KSR2: variants seen among roughly 807,000 people sequenced by gnomAD.
KSR2 encodes the protein kinase suppressor of ras 2.
Under a neutral mutation model 107.8 loss-of-function variants are expected in KSR2, and 25 were observed. That is an observed-to-expected ratio of 0.23 (90% CI 0.17 to 0.32). KSR2 has a LOEUF of 0.32. Ranked by LOEUF, KSR2 falls within the 10% of genes least tolerant of loss-of-function variation. The pLI, the probability that KSR2 is intolerant of heterozygous loss-of-function variation, is 1.00. For missense variants in KSR2, 887 were observed against 1,268.9 expected, an observed-to-expected ratio of 0.70 and a Z score of 4.57; for synonymous variants, 480 against 507.0, an observed-to-expected ratio of 0.95 and a Z score of 0.71.
chr12:117,550,817 A>T (rs1171963332), intron 9 of KSR2, among the ~76,000 whole-genome samples: 1 of 130,898 alleles, frequency 7.6e-6, no homozygotes, highest in Non-Finnish European at 1.6e-5. Flanking sequence ...GTCATGATGG[A>T]AGACCAGAAC....
chr12:117,947,205 A>AAAAGAAAGAAAGAAAGAAAGAAAG (rs773449400), intron 1 of KSR2, among the ~76,000 whole-genome samples: 5 of 69,242 alleles, frequency 7.2e-5, no homozygotes, highest in Non-Finnish European at 1.1e-4. Flanking sequence ...GAAAAGAAAG[A>AAAAGAAAGAAAGAAAGAAAGAAAG]AAAGAAAGAA....
intron 3 of KSR2, among the ~76,000 whole-genome samples, chr12:117,846,035 C>T (rs1477914537): frequency 6.6e-6 from 1 of 151,492 alleles, no homozygotes; most frequent in African/African-American, 2.4e-5. Context: ...CCAGCCTGCC[C>T]TTCCTAACAG....
At chr12:117,890,527 T>C (rs1237246344) in intron 1 of KSR2, among the ~76,000 whole-genome samples, 2 of 152,244 alleles carry the variant, frequency 1.3e-5, no homozygotes, top group Admixed American at 1.3e-4. Flanking sequence ...TCTTTTTAAA[T>C]AAGCTCACTA....
intron 1 of KSR2, among the ~76,000 whole-genome samples, chr12:117,952,805 G>A (rs1376340857): frequency 1.3e-5 from 2 of 151,906 alleles, no homozygotes; most frequent in Non-Finnish European, 2.9e-5. Flanking sequence ...CCAACATGGT[G>A]AAACCCCCAT....
intron 5 of KSR2, among the ~76,000 whole-genome samples, chr12:117,663,858 T>C (rs1295223701): frequency 6.6e-6 from 1 of 151,912 alleles, no homozygotes; most frequent in African/African-American, 2.4e-5. Context: ...AGCTTGCAGG[T>C]TGTTGGGGTA....
intron 1 of KSR2, among the ~76,000 whole-genome samples, chr12:117,957,909 G>C (rs1462985996): frequency 3.3e-5 from 5 of 149,764 alleles, no homozygotes; most frequent in Non-Finnish European, 7.4e-5. Flanking sequence ...TCAGCTCGCT[G>C]CAACCTGCGC....
intron 4 of KSR2, among the ~76,000 whole-genome samples, chr12:117,727,277 AG>A (rs1269480689): frequency 6.6e-6 from 1 of 151,882 alleles, no homozygotes; most frequent in Non-Finnish European, 1.5e-5. Context: ...CAGAAGGCTG[AG>A]GCGGGACGAT....
At chr12:117,922,319 T>G (rs923389239) in intron 1 of KSR2, among the ~76,000 whole-genome samples, 2 of 152,168 alleles carry the variant, frequency 1.3e-5, no homozygotes, top group African/African-American at 4.8e-5. Context: ...TGGCTCAAGA[T>G]CAGCTATCAG....
intron 10 of KSR2, among the ~76,000 whole-genome samples, 161 bp from the exon 11 acceptor site, chr12:117,531,868 T>C (rs756445453): frequency 6.6e-6 from 1 of 152,070 alleles, no homozygotes; most frequent in Non-Finnish European, 1.5e-5. Context: ...TGCAAACATG[T>C]GTAAAGAAAC....
At chr12:117,716,951 C>G (rs1400184490) in intron 4 of KSR2, among the ~76,000 whole-genome samples, 2 of 152,304 alleles carry the variant, frequency 1.3e-5, no homozygotes, top group South Asian at 4.1e-4. Flanking sequence ...TGGATATGAC[C>G]CAACTTCCTC....
chr12:117,740,000 C>T (rs964314265), intron 4 of KSR2, among the ~76,000 whole-genome samples: 4 of 151,032 alleles, frequency 2.6e-5, no homozygotes, highest in African/African-American at 4.9e-5. Flanking sequence ...TCTTTAGTGG[C>T]GATTTGTGAG....
At chr12:117,944,325 G>A (rs957163811) in intron 1 of KSR2, among the ~76,000 whole-genome samples, 9 of 152,264 alleles carry the variant, frequency 5.9e-5, no homozygotes, top group South Asian at 2.1e-4. Context: ...GCGGTGAGCC[G>A]AGATCGTGCC....
intron 3 of KSR2, among the ~76,000 whole-genome samples, chr12:117,762,891 T>C (rs922424207): frequency 2.0e-5 from 3 of 152,036 alleles, no homozygotes; most frequent in African/African-American, 7.2e-5. Flanking sequence ...ACCTTTTTTT[T>C]ATTTTATTAT....
At chr12:117,853,852 T>G (rs1414922051) in intron 3 of KSR2, among the ~76,000 whole-genome samples, 2 of 152,124 alleles carry the variant, frequency 1.3e-5, no homozygotes, top group African/African-American at 2.4e-5. Flanking sequence ...TGATTTTGCC[T>G]CCCTGGGAAC....
At chr12:117,767,652 A>C (rs752401579) in intron 3 of KSR2, among the ~76,000 whole-genome samples, 16 of 148,062 alleles carry the variant, frequency 1.1e-4, no homozygotes, top group Non-Finnish European at 2.1e-4. Flanking sequence ...AGCTGTGGTG[A>C]CCCACGCGTG....
intron 3 of KSR2, among the ~76,000 whole-genome samples, chr12:117,837,843 G>A (rs1425253843): frequency 2.6e-5 from 4 of 152,194 alleles, no homozygotes; most frequent in East Asian, 1.9e-4. Context: ...GGGAAGTACC[G>A]TCTCCCACCC....
intron 16 of KSR2, among the ~76,000 whole-genome samples, chr12:117,478,934 A>G (rs1871975388): frequency 6.6e-6 from 1 of 152,236 alleles, no homozygotes; most frequent in Non-Finnish European, 1.5e-5. Context: ...TTTCTAATAC[A>G]CATTAAAATT....
chr12:117,832,113 C>T (rs1427382352), intron 3 of KSR2, among the ~76,000 whole-genome samples: 2 of 152,060 alleles, frequency 1.3e-5, no homozygotes, highest in African/African-American at 2.4e-5. Context: ...GGTGAAACCC[C>T]GTCTCTACTA....
intron 6 of KSR2, among the ~76,000 whole-genome samples, chr12:117,579,779 A>G (rs1391291863): frequency 6.6e-6 from 1 of 152,196 alleles, no homozygotes; most frequent in Non-Finnish European, 1.5e-5. Context: ...AAACCTTGAA[A>G]GTGAAAGCCA....
Sources: allele counts gnomAD v4.1 joint callset (sites outside exome capture counted in the v4.1 genomes callset), GRCh38; gene constraint gnomAD v4.1.1; transcripts MANE v1.5; gene names NCBI Gene and HGNC (gene_info 2026-07-23, HGNC 2026-07-21).